SP100: variants seen among roughly 807,000 people sequenced by gnomAD.
The protein encoded by SP100 is SP100 nuclear body protein, also known as nuclear autoantigen Sp-100.
In SP100, 84 loss-of-function variants were observed where a neutral mutation model predicts 130.0. The observed-to-expected ratio is 0.65, with a 90% CI of 0.54 to 0.77. SP100 has a LOEUF of 0.77. SP100 is among the 30% of genes least tolerant of loss of function. SP100 has a pLI of 0.00. For synonymous variants in SP100, 331 were observed against 351.7 expected (o/e 0.94, Z 0.66); for missense variants, 978 against 1,052.2 (o/e 0.93, Z 0.97).
chr2:230,452,554 C>T (rs867901583), intron 8 of SP100, among the ~76,000 whole-genome samples: 29 of 152,278 alleles, frequency 1.9e-4, no homozygotes, highest in African/African-American at 6.5e-4. Context: ...AATATTAATT[C>T]CTCCAATCCA....
rs1691256080 is a variant in SP100 at position 230,523,155 on chromosome 2, CA to C, written c.2094+11993del. ...AAACTGCCTTGAAAACTGCTTCACCCAAAATTTTGGTTCACAGCCTTCACCA... is the reference window on the plus strand; with the variant it reads ...AAACTGCCTTGAAAACTGCTTCACCCAAATTTTGGTTCACAGCCTTCACCA... On this transcript the variant is annotated intron_variant, in intron 24 of 28. Coordinates refer to ENST00000340126, the MANE Select transcript of SP100 (RefSeq NM_001080391.2). Among the ~76,000 whole-genome samples, 3 of 152,308 alleles carry C rather than the reference CA, an allele frequency of 2.0e-5. No homozygotes were observed. The South Asian group carries it at 6.2e-4, about 32-fold the overall frequency.
At chr2:230,493,624 G>T (rs1490076359) in intron 17 of SP100, among the ~76,000 whole-genome samples, 1 of 151,254 alleles carries the variant, frequency 6.6e-6, no homozygotes, top group African/African-American at 2.4e-5. Context: ...CCCTTTATTT[G>T]CCTTCTAAAT....
At chr2:230,469,651 A>C in intron 14 of SP100, 2 of 762,172 alleles carry the variant, frequency 2.6e-6, no homozygotes, top group Non-Finnish European at 3.8e-6. Context: ...TAGGGTAGGA[A>C]AAGAGAGCTT....
At chr2:230,474,490 G>A (rs2065433466) in intron 17 of SP100, 43 bp downstream of exon 17, 1 of 934,656 alleles carries the variant, frequency 1.1e-6, no homozygotes, top group South Asian at 1.5e-5. Flanking sequence ...TGTTACAAAT[G>A]AACTATTTTT....
At chr2:230,481,858 G>C (rs2065847256) in intron 17 of SP100, among the ~76,000 whole-genome samples, 1 of 152,190 alleles carries the variant, frequency 6.6e-6, no homozygotes, top group Admixed American at 6.5e-5. Context: ...ACTTCGTGTT[G>C]ACTCTACATA....
chr2:230,463,502 A>G (rs897062290), intron 10 of SP100: 1 of 152,288 alleles, frequency 6.6e-6, no homozygotes, highest in African/African-American at 2.4e-5. Context: ...TTATAAAATA[A>G]CAATGTAATA....
At chr2:230,522,303 T>G (rs184998128) in intron 24 of SP100, among the ~76,000 whole-genome samples, 45 of 152,234 alleles carry the variant, frequency 3.0e-4, no homozygotes, top group Non-Finnish European at 5.7e-4. Context: ...GATAAACTGA[T>G]ATTCTTTCAT....
At chr2:230,438,099 T>G (rs1372154039) in intron 2 of SP100, among the ~76,000 whole-genome samples, 2 of 152,198 alleles carry the variant, frequency 1.3e-5, no homozygotes, top group Non-Finnish European at 2.9e-5. Context: ...GATTTTCAAT[T>G]TCAACATTTT....
chr2:230,450,073 A>C, intron 7 of SP100, 99 bp from the exon 8 acceptor site: 2 of 809,646 alleles, frequency 2.5e-6, no homozygotes, highest in Non-Finnish European at 2.1e-6. Context: ...ATAAGTAGAA[A>C]CAGGAGAAGA....
At chr2:230,519,231 A>G (rs1433305953) in intron 24 of SP100, among the ~76,000 whole-genome samples, 2 of 152,186 alleles carry the variant, frequency 1.3e-5, no homozygotes, top group Non-Finnish European at 2.9e-5. Context: ...GATATTGGAT[A>G]AAGAGTTTAA....
At position 230,469,114 on chromosome 2, in the gene SP100, C is replaced by CTCT; in HGVS notation, c.1345+20_1345+22dup. The CTCT allele has an allele frequency of 6.6e-7, 1 of 1,507,660 alleles. No individual in the cohort carries two copies. The highest frequency in any genetic ancestry group is 9.2e-7 in the Non-Finnish European group (1 of 1,088,792). 93.4% of individuals were successfully genotyped at this position (1,507,660 alleles called of 1,614,324 possible). A position where few individuals can be genotyped will look rare whatever the true frequency, so the allele number is the denominator to read the frequency against. On this transcript the variant is annotated intron_variant, in intron 14 of 28. Coordinates refer to ENST00000340126, the MANE Select transcript of SP100 (RefSeq NM_001080391.2). ...GAAGAGACGTAAGAGCAATTAAAAA[C>CTCT]TCTTGATGTAACAAATGTCTTTATT...
At chr2:230,435,938 G>A (rs1276328048) in intron 2 of SP100, among the ~76,000 whole-genome samples, 2 of 146,720 alleles carry the variant, frequency 1.4e-5, no homozygotes, top group Non-Finnish European at 3.0e-5. Flanking sequence ...AAAGGAATGA[G>A]ATCATGTCCT....
Position 230,504,125 on chromosome 2 carries a change from G to C in SP100, c.1766-61G>C, listed in dbSNP as rs931778950. Reference sequence around the variant, plus strand: ...TAAAAGAAAGCTCTCAAGACAGGTGGGGAGGGACAATGCACAGTTGTAAAA... The same window carrying C: ...TAAAAGAAAGCTCTCAAGACAGGTGCGGAGGGACAATGCACAGTTGTAAAA... On this transcript the variant is annotated intron_variant, in intron 20 of 28. Transcript: ENST00000340126. The C allele has an allele frequency of 4.7e-6, 4 of 847,596 alleles. No homozygotes were observed. The East Asian group carries it at 9.8e-5, about 21-fold the overall frequency. 52.5% of individuals were successfully genotyped at this position (847,596 alleles called of 1,614,324 possible).
At chr2:230,493,740 CA>C (rs1463029557) in intron 17 of SP100, 1 of 152,012 alleles carries the variant, frequency 6.6e-6, no homozygotes, top group African/African-American at 2.4e-5. Context: ...TGAATTCCAC[CA>C]AGTGTACTTT....
intron 2 of SP100, among the ~76,000 whole-genome samples, chr2:230,439,533 C>T (rs2063401386): frequency 6.6e-6 from 1 of 151,598 alleles, no homozygotes; most frequent in African/African-American, 2.4e-5. Context: ...TAGGTATATC[C>T]TAAGGTTTTT....
At chr2:230,421,909 T>A (rs2062778785) in intron 2 of SP100, among the ~76,000 whole-genome samples, 1 of 152,202 alleles carries the variant, frequency 6.6e-6, no homozygotes, top group Non-Finnish European at 1.5e-5. Flanking sequence ...CCATTTTGCT[T>A]GTGATATTAT....
chr2:230,510,973 C>T (rs950212155), intron 23 of SP100, 152 bp from the exon 24 acceptor site: 2 of 671,436 alleles, frequency 3.0e-6, no homozygotes, highest in Non-Finnish European at 2.7e-6. Flanking sequence ...CTTTTTTATT[C>T]TTCAGTTAGA....
chr2:230,541,374 T>C lies in SP100; in HGVS notation c.2403+2T>C, dbSNP rs747954139. The C allele has an allele frequency of 6.2e-7, 1 of 1,612,188 alleles. No homozygotes were observed. The highest frequency in any genetic ancestry group is 1.7e-5 in the Admixed American group (1 of 59,974). The stretch of plus-strand genomic sequence containing the variant: ...TTTTTCGCCTCAGAACCGTATTATG[T>C]AAGTAACAGCCAAACAAAAATGCTT... On this transcript the variant is annotated splice_donor_variant, in intron 27 of 28. Transcript: ENST00000340126. LOFTEE classifies it high-confidence loss of function.
At chr2:230,518,032 G>T (rs1036174988) in intron 24 of SP100, among the ~76,000 whole-genome samples, 2 of 151,996 alleles carry the variant, frequency 1.3e-5, no homozygotes, top group Non-Finnish European at 2.9e-5. Context: ...GACTTAGACT[G>T]TTTGCGAAAC....
Sources: allele counts gnomAD v4.1 joint callset (sites outside exome capture counted in the v4.1 genomes callset), GRCh38; gene constraint gnomAD v4.1.1; transcripts MANE v1.5; gene names NCBI Gene and HGNC (gene_info 2026-07-23, HGNC 2026-07-21).